TMEM135: variants seen among roughly 807,000 people sequenced by gnomAD.
TMEM135 encodes peroxisomal membrane protein 52.
A neutral mutation model predicts 60.3 loss-of-function variants in TMEM135; 30 were observed. That is an observed-to-expected ratio of 0.50 (90% CI 0.37 to 0.68). The LOEUF (loss-of-function observed/expected upper bound fraction) is 0.68. Among genes scored for constraint, TMEM135 ranks in the 30% least tolerant of loss-of-function variants. The pLI is 0.00. For synonymous variants in TMEM135, 190 were observed against 186.7 expected (o/e 1.02, Z -0.14); for missense variants, 468 against 548.8 (o/e 0.85, Z 1.47).
At chr11:87,272,051 C>CTTTTTTTTTTTTTTT (rs773654603) in intron 6 of TMEM135, among the ~76,000 whole-genome samples, 2 of 81,152 alleles carry the variant, frequency 2.5e-5, no homozygotes, top group Non-Finnish European at 2.9e-5. Flanking sequence ...TTTTTCTTTT[C>CTTTTTTTTTTTTTTT]TTTTTTTTTT....
chr11:87,171,665 G>C (rs1344413011), intron 5 of TMEM135, among the ~76,000 whole-genome samples: 2 of 152,132 alleles, frequency 1.3e-5, no homozygotes, highest in Non-Finnish European at 2.9e-5. Flanking sequence ...TGATCTTTAA[G>C]GTCCTATATG....
chr11:87,274,786 C>CTGTGTGTGTGTGTGTGTGTGTG (rs10655114), intron 6 of TMEM135, among the ~76,000 whole-genome samples: 19 of 129,284 alleles, frequency 1.5e-4, no homozygotes, highest in Admixed American at 2.5e-4. Flanking sequence ...CATAGCAAGA[C>CTGTGTGTGTGTGTGTGTGTGTG]TGTGTGTGTG....
chr11:87,102,220 A>T (rs1053511709), intron 4 of TMEM135, among the ~76,000 whole-genome samples: 1 of 152,198 alleles, frequency 6.6e-6, no homozygotes, highest in Non-Finnish European at 1.5e-5. Context: ...AATAGTTGTT[A>T]TCTGTACTTC....
In TMEM135 at chr11:87,247,984, A is replaced by G. The variant is rs1487747395; in HGVS notation, c.509+11300A>G. Among the ~76,000 whole-genome samples the G allele has an allele frequency of 3.0e-4, 45 of 150,328 alleles. 1 individual carries two copies. The highest frequency in any genetic ancestry group is 2.9e-3 in the Admixed American group (44 of 15,052). Reference sequence around the variant, plus strand: ...GGGGCTTTAGACTGGAGCTGTTCCTATTCAGCCATCTTGGCTGCCAGCTTG... The same window carrying G: ...GGGGCTTTAGACTGGAGCTGTTCCTGTTCAGCCATCTTGGCTGCCAGCTTG... On this transcript the variant is annotated intron_variant, in intron 6 of 14. Coordinates refer to ENST00000305494, the MANE Select transcript of TMEM135 (RefSeq NM_022918.4).
At chr11:87,159,673 C>T (rs581174) in intron 5 of TMEM135, among the ~76,000 whole-genome samples, 36,004 of 151,378 alleles carry the variant, frequency 0.24, 5,074 homozygotes, top group East Asian at 0.61. Context: ...GCTATGATTC[C>T]TGACTTTAGA....
intron 4 of TMEM135, among the ~76,000 whole-genome samples, chr11:87,153,770 A>C (rs534217930): frequency 2.2e-4 from 33 of 152,308 alleles, no homozygotes; most frequent in African/African-American, 7.5e-4. Flanking sequence ...AGTGCTTATG[A>C]AATAATTGTT....
intron 3 of TMEM135, among the ~76,000 whole-genome samples, chr11:87,087,744 G>T (rs1857126804): frequency 6.6e-6 from 1 of 150,758 alleles, no homozygotes; most frequent in Non-Finnish European, 1.5e-5. Flanking sequence ...AGATAAGACT[G>T]TTTTTTTTTG....
chr11:87,298,786 C>CAAAAAAAAAAAAAAAAAAAAAAAAAAAAA (rs59740138), intron 7 of TMEM135, among the ~76,000 whole-genome samples: 1 of 57,716 alleles, frequency 1.7e-5, no homozygotes, highest in Non-Finnish European at 3.0e-5. Context: ...GACTCTGTCT[C>CAAAAAAAAAAAAAAAAAAAAAAAAAAAAA]AAAAAAAAAA....
rs638771 is a variant in TMEM135, at chr11:87,205,479, A to G, written c.463-31159A>G. ...GTAGTAATCCAGATATTGATGGATA[A>G]TGTATATATTCTAGAGTCAAAACTC... On this transcript the variant is annotated intron_variant, in intron 5 of 14. Coordinates refer to ENST00000305494, the MANE Select transcript of TMEM135 (RefSeq NM_022918.4). 3.3e-3 allele frequency among the ~76,000 whole-genome samples: 495 copies of G among 152,294 alleles called. 6 individuals are homozygous for G. The East Asian group carries it at 0.033, about 10-fold the overall frequency.
At chr11:87,084,630 C>T (rs1477684752) in intron 3 of TMEM135, among the ~76,000 whole-genome samples, 1 of 152,132 alleles carries the variant, frequency 6.6e-6, no homozygotes, top group Non-Finnish European at 1.5e-5. Context: ...TGATAACACC[C>T]CTGGAGGTGC....
At chr11:87,156,991 C>G (rs632708) in intron 4 of TMEM135, among the ~76,000 whole-genome samples, 1 of 151,416 alleles carries the variant, frequency 6.6e-6, no homozygotes, top group African/African-American at 2.4e-5. Context: ...TTCTGGGGTA[C>G]AATTTATAAC....
intron 5 of TMEM135, among the ~76,000 whole-genome samples, chr11:87,175,212 A>G (rs1205313201): frequency 1.3e-5 from 2 of 152,200 alleles, no homozygotes; most frequent in African/African-American, 4.8e-5. Flanking sequence ...GCAGGTTCTT[A>G]GAAAATTTAT....
intron 4 of TMEM135, among the ~76,000 whole-genome samples, chr11:87,152,245 T>C (rs1938575303): frequency 6.6e-6 from 1 of 152,196 alleles, no homozygotes; most frequent in Non-Finnish European, 1.5e-5. Context: ...CTGTCCCTTA[T>C]TGTGTTCTTT....
At chr11:87,265,334 G>C (rs1216190303) in intron 6 of TMEM135, among the ~76,000 whole-genome samples, 1 of 151,994 alleles carries the variant, frequency 6.6e-6, no homozygotes, top group Non-Finnish European at 1.5e-5. Flanking sequence ...ATGGAAGCAA[G>C]TACTGAGTCA....
At chr11:87,222,646 A>G (rs921507541) in intron 5 of TMEM135, among the ~76,000 whole-genome samples, 5 of 148,850 alleles carry the variant, frequency 3.4e-5, no homozygotes, top group Non-Finnish European at 5.9e-5. Context: ...TCTATTAAAA[A>G]TACAAAAAAT....
At chr11:87,054,273 A>G (rs1949870887) in intron 1 of TMEM135, among the ~76,000 whole-genome samples, 2 of 151,958 alleles carry the variant, frequency 1.3e-5, no homozygotes, top group South Asian at 4.2e-4. Flanking sequence ...CATCTTCACT[A>G]AAAATACAAA....
intron 3 of TMEM135, among the ~76,000 whole-genome samples, chr11:87,077,390 C>T (rs1032445153): frequency 3.9e-5 from 6 of 152,232 alleles, no homozygotes; most frequent in Non-Finnish European, 7.3e-5. Context: ...TAAACATTCA[C>T]TTGTCGAAGG....
chr11:87,322,611 G>A lies in TMEM135; in HGVS notation c.*1278G>A. 1 of 453,934 alleles carries A rather than the reference G, an allele frequency of 2.2e-6. No homozygotes were observed. Among genetic ancestry groups the A allele is most frequent in the South Asian group, 1.6e-5 (1 of 64,464 alleles). The allele number at this position is 453,934 out of a possible 1,614,324, so 28.1% of individuals were successfully genotyped here. A position where few individuals can be genotyped will look rare whatever the true frequency, so the allele number is the denominator to read the frequency against. On this transcript the variant is annotated 3_prime_UTR_variant, in exon 15 of 15. Transcript: ENST00000305494. Reference sequence around the variant, plus strand: ...TGATGATATTTTTAAAATACATTTTGTTGCTAAAAAGTTTTTAGGCCAGTG... The same window carrying A: ...TGATGATATTTTTAAAATACATTTTATTGCTAAAAAGTTTTTAGGCCAGTG...
chr11:87,130,190 C>A (rs1343841558), intron 4 of TMEM135, among the ~76,000 whole-genome samples: 1 of 149,372 alleles, frequency 6.7e-6, no homozygotes, highest in Non-Finnish European at 1.5e-5. Flanking sequence ...AAGTAAATTA[C>A]AAGGAGTCTT....
Sources: allele counts gnomAD v4.1 joint callset (sites outside exome capture counted in the v4.1 genomes callset), GRCh38; gene constraint gnomAD v4.1.1; transcripts MANE v1.5; gene names NCBI Gene and HGNC (gene_info 2026-07-23, HGNC 2026-07-21).